The following NOL12 variants were observed in gnomAD, a reference collection of about 807,000 sequenced individuals.
NOL12 encodes the protein nucleolar protein 12.
NOL12 carries 21 observed loss-of-function variants against 25.2 expected under a neutral mutation model. The observed-to-expected ratio is 0.83, with a 90% CI of 0.59 to 1.20. The LOEUF (loss-of-function observed/expected upper bound fraction) is 1.20. NOL12 is among the 50% of genes most tolerant of loss of function. The pLI, the probability that NOL12 is intolerant of heterozygous loss-of-function variation, is 0.00. For synonymous variants in NOL12, 133 were observed against 113.8 expected, an observed-to-expected ratio of 1.17 and a Z score of -1.08; for missense variants, 286 against 287.6, an observed-to-expected ratio of 0.99 and a Z score of 0.04.
intron 1 of NOL12, 83 bp from the exon 2 acceptor site, chr22:37,687,826 CG>C (rs1921889403): frequency 1.0e-6 from 1 of 998,834 alleles, no homozygotes; most frequent in African/African-American, 1.6e-5. Flanking sequence ...ATAGTGAGCG[CG>C]GCATTAGCCA....
Position 37,691,272 on chromosome 22 carries a change from C to T in NOL12, c.578C>T (p.Ala193Val). 1 of 1,614,066 alleles carries T rather than the reference C, an allele frequency of 6.2e-7. No homozygotes were observed. Residue 193 changes from alanine (A) to valine (V), a missense_variant, in exon 6 of 6, where the codon GCC (alanine) becomes GTC (valine). Transcript: ENST00000359114. ...CAGGACTCCAAAAAGCCCCCAAGGGCCCCTCGTACCAGCAAGGCCCAGCGC... is the reference window on the plus strand; with the variant it reads ...CAGGACTCCAAAAAGCCCCCAAGGGTCCCTCGTACCAGCAAGGCCCAGCGC... The part of the protein sequence containing the change: ...RAQDSKKPPR[A>V]PRTSKAQRRR...
Position 37,687,935 on chromosome 22 carries a change from CG to C in NOL12, c.111del (p.Lys38ArgfsTer16), listed in dbSNP as rs1569024290. ...GGAGTACCTGACAGGCTTCCACAAG[CG>C]GAAGGTCGAGCGAAAGAAGGCAGCC... ...RREYLTGFHK[R>X]KVERKKAAIE... On this transcript the variant is annotated frameshift_variant, in exon 2 of 6. Coordinates refer to ENST00000359114, the MANE Select transcript of NOL12 (RefSeq NM_024313.3). LOFTEE classifies it high-confidence loss of function. 6.3e-7 allele frequency: 1 copy of C among 1,580,180 alleles called. No homozygotes were observed. Among genetic ancestry groups the C allele is most frequent in the East Asian group, 2.3e-5 (1 of 43,576 alleles).
Position 37,691,401 on chromosome 22 carries a change from C to A in NOL12, c.*65C>A. On this transcript the variant is annotated 3_prime_UTR_variant, in exon 6 of 6. Transcript: ENST00000359114. The stretch of plus-strand genomic sequence containing the variant: ...ACCTGTCCTTGCTCAGCTTGGCTGT[C>A]CCTGTAGCCCAGCCTGCACCTAGGT... The A allele has an allele frequency of 6.7e-7, 1 of 1,492,194 alleles. No individual in the cohort carries two copies. Among genetic ancestry groups the A allele is most frequent in the South Asian group, 1.3e-5 (1 of 75,686 alleles). The allele number at this position is 1,492,194 out of a possible 1,614,324, so 92.4% of individuals were successfully genotyped here. A position where few individuals can be genotyped will look rare whatever the true frequency, so the allele number is the denominator to read the frequency against.
chr22:37,688,080 C>T, intron 2 of NOL12, 65 bp downstream of exon 2: 1 of 1,382,976 alleles, frequency 7.2e-7, no homozygotes, highest in East Asian at 2.5e-5. Context: ...TTGGATTTCC[C>T]TAATAGAGGC....
At chr22:37,689,452 G>T (rs894631963) in intron 4 of NOL12, among the ~76,000 whole-genome samples, 2 of 152,106 alleles carry the variant, frequency 1.3e-5, no homozygotes, top group Non-Finnish European at 2.9e-5. Context: ...CCCTTTGTGC[G>T]ATTCGCAGCC....
At chr22:37,686,975 A>G (rs1023334746) in intron 1 of NOL12, 1 of 985,312 alleles carries the variant, frequency 1.0e-6, no homozygotes, top group African/African-American at 1.7e-5. Context: ...CCAGTGCTGG[A>G]CCGTGGGACA....
chr22:37,688,467 G>C (rs1921921002), intron 3 of NOL12, 107 bp downstream of exon 3: 8 of 1,235,656 alleles, frequency 6.5e-6, no homozygotes, highest in Non-Finnish European at 9.5e-6. Context: ...AGGGATCTTG[G>C]GGGGTACCCT....
intron 1 of NOL12, among the ~76,000 whole-genome samples, chr22:37,687,631 T>C (rs1921878591): frequency 6.6e-6 from 1 of 152,168 alleles, no homozygotes; most frequent in South Asian, 2.1e-4. Flanking sequence ...CTAATTTTTG[T>C]GTTTTTAGTA....
chr22:37,689,111 T>C (rs1921952946), intron 4 of NOL12, 119 bp downstream of exon 4: 6 of 1,263,060 alleles, frequency 4.8e-6, no homozygotes, highest in Non-Finnish European at 6.7e-6. Flanking sequence ...AGAAGGGGCG[T>C]GGGGGCAGAC....
At chr22:37,690,857 C>G in intron 5 of NOL12, 63 bp downstream of exon 5, 1 of 1,254,574 alleles carries the variant, frequency 8.0e-7, no homozygotes, top group African/African-American at 1.5e-5. Flanking sequence ...TGACCTGGCC[C>G]TTAGGGTGGT....
rs981600239 is a variant in NOL12, at chr22:37,691,389, C to G, written c.*53C>G. The stretch of plus-strand genomic sequence containing the variant: ...TAGGCTGCGGGGACCTGTCCTTGCT[C>G]AGCTTGGCTGTCCCTGTAGCCCAGC... On this transcript the variant is annotated 3_prime_UTR_variant, in exon 6 of 6. Coordinates refer to ENST00000359114, the MANE Select transcript of NOL12 (RefSeq NM_024313.3). The G allele has an allele frequency of 3.9e-4, 592 of 1,526,978 alleles. 2 individuals are homozygous for G. Among genetic ancestry groups the G allele is most frequent in the Non-Finnish European group, 3.3e-4 (371 of 1,133,626 alleles). The allele number at this position is 1,526,978 out of a possible 1,614,324, so 94.6% of individuals were successfully genotyped here.
At chr22:37,689,711 G>A (rs1196449692) in intron 4 of NOL12, among the ~76,000 whole-genome samples, 1 of 152,220 alleles carries the variant, frequency 6.6e-6, no homozygotes, top group Non-Finnish European at 1.5e-5. Flanking sequence ...TTAAGTCCTG[G>A]AGCCACTCCC....
intron 1 of NOL12, chr22:37,687,088 C>T: frequency 1.0e-6 from 1 of 985,400 alleles, no homozygotes; most frequent in Non-Finnish European, 1.2e-6. Context: ...AAACTCCTAG[C>T]GTGCATCAAC....
intron 3 of NOL12, 118 bp downstream of exon 3, chr22:37,688,478 G>A: frequency 9.4e-7 from 1 of 1,063,854 alleles, no homozygotes; most frequent in Non-Finnish European, 1.4e-6. Context: ...GGGGTACCCT[G>A]GGGCCAGGGG....
intron 4 of NOL12, among the ~76,000 whole-genome samples, chr22:37,689,937 C>T (rs1385206401): frequency 3.3e-5 from 5 of 152,078 alleles, no homozygotes; most frequent in South Asian, 4.1e-4. Flanking sequence ...TTTGGGAGGC[C>T]GAGGCGGGCG....
chr22:37,691,130 C>T (rs1177879830), intron 5 of NOL12, 44 bp from the exon 6 acceptor site: 11 of 1,557,784 alleles, frequency 7.1e-6, no homozygotes, highest in Non-Finnish European at 9.6e-6. Flanking sequence ...TGGTGAGTCA[C>T]CCCACAATGC....
chr22:37,690,631 C>T lies in NOL12; in HGVS notation c.382-66C>T, dbSNP rs936156348. The T allele has an allele frequency of 3.7e-5, 44 of 1,195,124 alleles. No individual in the cohort carries two copies. In the East Asian group the frequency reaches 5.0e-4, roughly 14 times the overall value. The allele number at this position is 1,195,124 out of a possible 1,614,324, so 74.0% of individuals were successfully genotyped here. ...ACCACTTGCCAGAGCCATGGTGGCT[C>T]GGGGTGCCCAGCCCAGGTCCCCCCA... On this transcript the variant is annotated intron_variant, in intron 4 of 5. Transcript: ENST00000359114.
rs777181263 is a variant in NOL12 at position 37,686,409 on chromosome 22, A to G, written c.17A>G (p.Lys6Arg). The G allele has an allele frequency of 3.1e-6, 5 of 1,605,228 alleles. No individual in the cohort carries two copies. The African/African-American group carries it at 6.7e-5, about 22-fold the overall frequency. MGRNK[K>R]KKRDGDDRRP... ...CTCACTGCTATGGGCCGCAACAAGA[A>G]GAAGAAGCGAGATGGTGACGACCGG... Residue 6 changes from lysine (K) to arginine (R), a missense_variant, in exon 1 of 6, where the codon AAG becomes AGG. Coordinates refer to ENST00000359114, the MANE Select transcript of NOL12 (RefSeq NM_024313.3).
At chr22:37,689,121 C>T in intron 4 of NOL12, 129 bp downstream of exon 4, 1 of 1,182,134 alleles carries the variant, frequency 8.5e-7, no homozygotes, top group Non-Finnish European at 1.2e-6. Flanking sequence ...TGGGGGCAGA[C>T]TGGCTTGTCG....
Sources: allele counts gnomAD v4.1 joint callset (sites outside exome capture counted in the v4.1 genomes callset), GRCh38; gene constraint gnomAD v4.1.1; transcripts MANE v1.5; gene names NCBI Gene and HGNC (gene_info 2026-07-23, HGNC 2026-07-21).